DOK7: variants seen among roughly 807,000 people sequenced by gnomAD.
DOK7 encodes the protein docking protein 7, also known as protein Dok-7.
Under a neutral mutation model 30.7 loss-of-function variants are expected in DOK7, and 32 were observed. That is an observed-to-expected ratio of 1.04 (90% CI 0.79 to 1.40). The LOEUF is 1.40. DOK7 is among the 40% of genes most tolerant of loss of function. DOK7 has a pLI of 0.00. For missense variants in DOK7, 1,007 were observed against 699.2 expected, an observed-to-expected ratio of 1.44 and a Z score of -4.97; for synonymous variants, 447 against 324.1, an observed-to-expected ratio of 1.38 and a Z score of -4.07.
chr4:3,471,809 C>T (rs905170967), intron 2 of DOK7, among the ~76,000 whole-genome samples: 1 of 152,206 alleles, frequency 6.6e-6, no homozygotes, highest in Admixed American at 6.5e-5. Flanking sequence ...TCTGTAGGTG[C>T]GGGAATGAGG....
Position 3,463,406 on chromosome 4 carries a change from G to A in DOK7, c.31G>A (p.Val11Ile). The A allele has an allele frequency of 1.3e-6, 2 of 1,483,038 alleles. No homozygotes were observed. The highest frequency in any genetic ancestry group is 1.5e-5 in the African/African-American group (1 of 68,038). The allele number at this position is 1,483,038 out of a possible 1,614,324, so 91.9% of individuals were successfully genotyped here. Residue 11 changes from valine to isoleucine, a missense_variant, in exon 1 of 7, where the codon GTC becomes ATC. Val to Ile is a conservative substitution (Grantham distance 29). Transcript: ENST00000340083. Reference sequence around the variant, plus strand: ...CGAGGCGGCGCTGGTGGAGGGCCAGGTCAAGCTGCGGGACGGCAAGAAGGT... The same window carrying A: ...CGAGGCGGCGCTGGTGGAGGGCCAGATCAAGCTGCGGGACGGCAAGAAGGT... MTEAALVEGQ[V>I]KLRDGKKWKS...
At chr4:3,468,651 T>C (rs1726499749) in intron 2 of DOK7, among the ~76,000 whole-genome samples, 1 of 137,452 alleles carries the variant, frequency 7.3e-6, no homozygotes, top group African/African-American at 2.6e-5. Flanking sequence ...TGTGTGTGCA[T>C]GTATGAGTGT....
chr4:3,467,750 T>C (rs1726390975), intron 2 of DOK7, among the ~76,000 whole-genome samples: 1 of 152,166 alleles, frequency 6.6e-6, no homozygotes. Context: ...CGACAGCCAG[T>C]CACTGCTCAC....
chr4:3,493,154 C>T lies in DOK7; in HGVS notation c.1168C>T (p.Pro390Ser), dbSNP rs149525610. 70 of 1,604,940 alleles carry T rather than the reference C, an allele frequency of 4.4e-5. No individual in the cohort carries two copies. In the African/African-American group the frequency reaches 8.7e-4, roughly 20 times the overall value. The change falls in exon 7 of 7, where the codon CCC becomes TCC. Residue 390 changes from proline to serine, a missense_variant. By Grantham distance (74) the Pro-to-Ser change is moderately conservative. Transcript: ENST00000340083. Reference protein sequence around the residue: ...APEPSLCTCLPGTVEYQVPTS... With the variant: ...APEPSLCTCLSGTVEYQVPTS... ...CGAGCCCAGCCTGTGCACCTGCCTG[C>T]CCGGGACAGTCGAGTACCAGGTGCC...
In DOK7 at chr4:3,492,777, C is replaced by G; in HGVS notation, c.791C>G (p.Ser264Cys). ...GTCTCAGGGGATGACCGCAGCCTGT[C>G]CAGCTCATCCTCAGAGGCCAGTCAC... ...PGSGGDDRSL[S>C]SSSSEASHLD... is the part of the protein sequence containing the mutation. Residue 264 changes from serine (S) to cysteine (C), a missense_variant, in exon 7 of 7, where the codon TCC becomes TGC. Physicochemically the swap from Ser to Cys is moderately radical, Grantham distance 112. Coordinates refer to ENST00000340083, the MANE Select transcript of DOK7 (RefSeq NM_173660.5). 1 of 1,612,778 alleles carries G rather than the reference C, an allele frequency of 6.2e-7. No homozygotes were observed. Among genetic ancestry groups the G allele is most frequent in the Non-Finnish European group, 8.5e-7 (1 of 1,179,974 alleles).
downstream of DOK7, among the ~76,000 whole-genome samples, chr4:3,498,832 AGGGCCTCAGGGCCAGGCAG>A (rs1298127656): frequency 6.6e-6 from 1 of 152,216 alleles, no homozygotes; most frequent in East Asian, 1.9e-4. Flanking sequence ...GGGTCTCCCC[AGGGCCTCAGGGCCAGGCAG>A]GGTTGGGGCA....
chr4:3,493,492 C>T lies in DOK7; in HGVS notation c.1506C>T (p.Pro502=), dbSNP rs753827494. The T allele has an allele frequency of 1.2e-5, 20 of 1,611,126 alleles. No homozygotes were observed. Among genetic ancestry groups the T allele is most frequent in the African/African-American group, 5.3e-5 (4 of 74,918 alleles). ...CPVCGGLKVN[P]PP ...TCTGTGGAGGACTCAAGGTAAACCCCCCTCCTTGAGAGCCGCAGATCCCGC... is the reference window on the plus strand; with the variant it reads ...TCTGTGGAGGACTCAAGGTAAACCCTCCTCCTTGAGAGCCGCAGATCCCGC... The change falls in exon 7 of 7, where the codon CCC becomes CCT. Residue 502 remains proline, a synonymous_variant. Transcript: ENST00000340083.
At chr4:3,467,754 T>A (rs1385945579) in intron 2 of DOK7, among the ~76,000 whole-genome samples, 1 of 152,176 alleles carries the variant, frequency 6.6e-6, no homozygotes, top group East Asian at 1.9e-4. Context: ...AGCCAGTCAC[T>A]GCTCACGGTT....
At chr4:3,499,368 T>A (rs1729081663), downstream of DOK7, among the ~76,000 whole-genome samples, 1 of 152,204 alleles carries the variant, frequency 6.6e-6, no homozygotes, top group Non-Finnish European at 1.5e-5. Flanking sequence ...TCACCTCCCC[T>A]GCCTCACGTG....
chr4:3,500,274 G>C, exon 7 of DOK7: 2 of 1,535,888 alleles, frequency 1.3e-6, no homozygotes, highest in South Asian at 1.2e-5. Flanking sequence ...CGTGGCTGTG[G>C]ACAGCCCAGG....
Position 3,473,036 on chromosome 4 carries a change from C to T in DOK7, c.101-370C>T, listed in dbSNP as rs1056459680. 1.2e-4 allele frequency among the ~76,000 whole-genome samples: 18 copies of T among 152,188 alleles called. 1 individual carries two copies. Among genetic ancestry groups the T allele is most frequent in the Admixed American group, 1.1e-3 (17 of 15,286 alleles). ...GGAGGCCACAGCCACCGGGCAGGCC[C>T]CACGCTGGGCCCCCAAGCCCGTGAC... is the stretch of plus-strand genomic sequence containing the variant. On this transcript the variant is annotated intron_variant, in intron 2 of 6. Transcript: ENST00000340083.
At chr4:3,478,232 T>A (rs1236177662) in intron 4 of DOK7, among the ~76,000 whole-genome samples, 1 of 152,196 alleles carries the variant, frequency 6.6e-6, no homozygotes, top group East Asian at 1.9e-4. Flanking sequence ...CCTGCTTATT[T>A]TGTCTGGGCC....
At chr4:3,484,473 G>A (rs1243566684) in intron 4 of DOK7, 5 of 984,624 alleles carry the variant, frequency 5.1e-6, no homozygotes, top group Non-Finnish European at 6.0e-6. Flanking sequence ...CAGAGGCCCC[G>A]GAGCGGGCGG....
intron 4 of DOK7, among the ~76,000 whole-genome samples, chr4:3,479,395 C>T (rs1727304874): frequency 6.6e-6 from 1 of 152,254 alleles, no homozygotes; most frequent in Non-Finnish European, 1.5e-5. Context: ...ATTTGGCCGA[C>T]AACTGGGGCC....
chr4:3,500,819 G>A (rs1577194377), exon 8 of DOK7: 3 of 1,531,168 alleles, frequency 2.0e-6, no homozygotes, highest in Non-Finnish European at 2.6e-6. Flanking sequence ...AGGCAGCCCC[G>A]CAGTGAGGTC....
At chr4:3,485,320 G>A (rs1240226478) in intron 4 of DOK7, 5 of 575,260 alleles carry the variant, frequency 8.7e-6, no homozygotes, top group Non-Finnish European at 1.4e-5. Context: ...GAGGCTCTGG[G>A]GACCCAGCTT....
At position 3,499,725 on chromosome 4, in the gene DOK7, C is replaced by T. The variant is rs1455406523; in HGVS notation, c.1109-526C>T. On this transcript the variant is annotated intron_variant, in intron 6 of 7. Transcript: ENST00000643608. ...TGTCCTGGAGGGGATGCAGAGGGAGCGTGGGCCTGTGTGCAGGAGAGGAGG... is the reference window on the plus strand; with the variant it reads ...TGTCCTGGAGGGGATGCAGAGGGAGTGTGGGCCTGTGTGCAGGAGAGGAGG... Among the ~76,000 whole-genome samples the T allele has an allele frequency of 2.0e-5, 3 of 151,140 alleles. No individual in the cohort carries two copies. In the South Asian group the frequency reaches 6.3e-4, roughly 32 times the overall value.
intron 2 of DOK7, among the ~76,000 whole-genome samples, chr4:3,464,846 G>A (rs1056151529): frequency 2.0e-5 from 3 of 152,206 alleles, no homozygotes; most frequent in Non-Finnish European, 4.4e-5. Context: ...TCCCCCGGCC[G>A]GTGAGTGCCT....
At position 3,473,259 on chromosome 4, in the gene DOK7, G is replaced by A. The variant is rs573432587; in HGVS notation, c.101-147G>A. ...AGGGGATCGCCCCATTTTGTATGCC[G>A]GGAGTCGAAGCCTTGGCATGGCTGA... On this transcript the variant is annotated intron_variant, in intron 2 of 6. Transcript: ENST00000340083. 1.6e-4 allele frequency: 116 copies of A among 709,984 alleles called. 1 individual carries two copies. In the African/African-American group the frequency reaches 1.7e-3, roughly 10 times the overall value. The allele number at this position is 709,984 out of a possible 1,614,324, so 44.0% of individuals were successfully genotyped here.
Sources: gnomAD v4.1 joint callset for allele counts (sites outside exome capture counted in the v4.1 genomes callset) on GRCh38, gnomAD v4.1.1 for gene constraint, MANE v1.5 for transcripts, NCBI Gene and HGNC (gene_info 2026-07-23, HGNC 2026-07-21) for gene names.